Variants in ACYP2 observed in about 807,000 individuals in gnomAD.
The protein encoded by ACYP2 is acylphosphatase 2, also known as acylphosphatase-2.
A neutral mutation model predicts 11.2 loss-of-function variants in ACYP2; 12 were observed. That is an observed-to-expected ratio of 1.08 (90% confidence interval 0.69 to 1.74). The LOEUF (loss-of-function observed/expected upper bound fraction) is 1.74. ACYP2 is among the 40% of genes most tolerant of loss of function. The pLI is 0.00. For synonymous variants in ACYP2, 43 were observed against 32.2 expected, an observed-to-expected ratio of 1.33 and a Z score of -1.13; for missense variants, 134 against 101.9, an observed-to-expected ratio of 1.31 and a Z score of -1.35.
At chr2:53,991,624 C>G (rs970734954) in intron 2 of ACYP2, among the ~76,000 whole-genome samples, 2 of 151,880 alleles carry the variant, frequency 1.3e-5, no homozygotes, top group Admixed American at 1.3e-4. Context: ...AGGTTGGTGT[C>G]GAACTCCCGA....
chr2:54,098,583 A>G (rs1178068340), intron 4 of ACYP2, among the ~76,000 whole-genome samples: 1 of 152,162 alleles, frequency 6.6e-6, no homozygotes, highest in Non-Finnish European at 1.5e-5. Flanking sequence ...GATTAGCTTG[A>G]TATCTCCAAA....
chr2:54,197,692 C>T (rs1470477814), intron 6 of ACYP2, among the ~76,000 whole-genome samples: 4 of 151,970 alleles, frequency 2.6e-5, no homozygotes, highest in Admixed American at 6.6e-5. Flanking sequence ...GTGCAAAGGC[C>T]CCGAGGCAGG....
At chr2:54,049,545 A>C (rs943797813) in intron 2 of ACYP2, among the ~76,000 whole-genome samples, 2 of 152,124 alleles carry the variant, frequency 1.3e-5, no homozygotes, top group Non-Finnish European at 2.9e-5. Context: ...GCTTTAATGT[A>C]GGGTTTCTTT....
At chr2:54,176,390 G>A (rs367818038) in intron 6 of ACYP2, among the ~76,000 whole-genome samples, 1 of 152,200 alleles carries the variant, frequency 6.6e-6, no homozygotes, top group Non-Finnish European at 1.5e-5. Context: ...AGGTGGCAGA[G>A]CAACCAAATA....
chr2:54,129,065 G>A (rs979622383), intron 4 of ACYP2, among the ~76,000 whole-genome samples: 1 of 152,076 alleles, frequency 6.6e-6, no homozygotes, highest in Admixed American at 6.6e-5. Context: ...ACCCATATGT[G>A]TCTCCTTAAA....
intron 2 of ACYP2, among the ~76,000 whole-genome samples, chr2:53,995,572 C>T (rs1672537005): frequency 6.6e-6 from 1 of 150,972 alleles, no homozygotes; most frequent in South Asian, 2.1e-4. Flanking sequence ...GGCATGATCT[C>T]AGCTCACTGC....
At chr2:54,135,902 A>T (rs1681201090) in intron 5 of ACYP2, among the ~76,000 whole-genome samples, 2 of 152,094 alleles carry the variant, frequency 1.3e-5, no homozygotes, top group Admixed American at 1.3e-4. Flanking sequence ...TTTAAAATTT[A>T]TTTATTTAGT....
At chr2:54,226,312 T>G (rs1419444270) in intron 6 of ACYP2, among the ~76,000 whole-genome samples, 1 of 152,224 alleles carries the variant, frequency 6.6e-6, no homozygotes, top group Non-Finnish European at 1.5e-5. Context: ...TCAAAGATAT[T>G]GAGCGTCTGG....
chr2:54,041,825 C>T (rs1675245951), intron 2 of ACYP2, among the ~76,000 whole-genome samples: 1 of 152,020 alleles, frequency 6.6e-6, no homozygotes, highest in Admixed American at 6.6e-5. Context: ...GGGTCTTGCT[C>T]TGTTGCCCAC....
intron 2 of ACYP2, among the ~76,000 whole-genome samples, chr2:54,040,931 T>A (rs921364847): frequency 3.9e-5 from 6 of 152,014 alleles, no homozygotes; most frequent in African/African-American, 1.4e-4. Context: ...GGAGAAATAG[T>A]GTTCATAGAT....
chr2:54,063,533 T>C (rs1407896805), intron 4 of ACYP2, among the ~76,000 whole-genome samples: 1 of 152,114 alleles, frequency 6.6e-6, no homozygotes, highest in Admixed American at 6.6e-5. Context: ...GGAGACTGGG[T>C]GGTGGGAACA....
intron 2 of ACYP2, among the ~76,000 whole-genome samples, chr2:54,047,972 G>T (rs1675614521): frequency 6.6e-6 from 1 of 152,198 alleles, no homozygotes; most frequent in Non-Finnish European, 1.5e-5. Flanking sequence ...GCCAAGGCTG[G>T]TTCCATGGTT....
In ACYP2 at chr2:53,980,088, A is replaced by T. The variant is rs562060266; in HGVS notation, c.62+6278A>T. 8.5e-5 allele frequency among the ~76,000 whole-genome samples: 13 copies of T among 152,256 alleles called. No individual in the cohort carries two copies. The South Asian group carries it at 2.7e-3, about 32-fold the overall frequency. Reference sequence around the variant, plus strand: ...CTGGGCACCATGGCTCACATCTCTAATCCCAGCAGTTTGTGAGGCCAAGGC... The same window carrying T: ...CTGGGCACCATGGCTCACATCTCTATTCCCAGCAGTTTGTGAGGCCAAGGC... On this transcript the variant is annotated intron_variant, in intron 2 of 6. Coordinates refer to ENST00000607452, the MANE Select transcript of ACYP2 (RefSeq NM_001320586.2).
At chr2:54,065,705 A>G (rs1676708981) in intron 4 of ACYP2, 1 of 391,338 alleles carries the variant, frequency 2.6e-6, no homozygotes, top group Non-Finnish European at 4.5e-6. Context: ...TAAAATGTTT[A>G]ACAGGCTGTA....
chr2:54,234,340 C>T (rs1473869978), intron 6 of ACYP2, among the ~76,000 whole-genome samples: 1 of 152,210 alleles, frequency 6.6e-6, no homozygotes, highest in African/African-American at 2.4e-5. Flanking sequence ...CACTAATCCA[C>T]TTTTGCTTTG....
At chr2:54,025,575 C>T (rs889497767) in intron 2 of ACYP2, among the ~76,000 whole-genome samples, 1 of 152,152 alleles carries the variant, frequency 6.6e-6, no homozygotes, top group Non-Finnish European at 1.5e-5. Context: ...AAAAAATCAA[C>T]TCAAGATGGA....
intron 4 of ACYP2, among the ~76,000 whole-genome samples, chr2:54,108,611 G>A (rs1164022500): frequency 6.6e-6 from 1 of 152,172 alleles, no homozygotes; most frequent in African/African-American, 2.4e-5. Flanking sequence ...TTTTGTCTGA[G>A]CTGGTGGCTG....
chr2:54,266,271 T>A (rs10171249), intron 6 of ACYP2, among the ~76,000 whole-genome samples: 1 of 152,004 alleles, frequency 6.6e-6, no homozygotes, highest in Non-Finnish European at 1.5e-5. Context: ...ACCAACACAC[T>A]CAATCATTTA....
chr2:54,004,310 T>C (rs1672945538), intron 2 of ACYP2, among the ~76,000 whole-genome samples: 1 of 151,348 alleles, frequency 6.6e-6, no homozygotes, highest in African/African-American at 2.4e-5. Flanking sequence ...TAATTTGCAA[T>C]TCCCTAATGA....
Sources: gnomAD v4.1 joint callset for allele counts (sites outside exome capture counted in the v4.1 genomes callset) on GRCh38, gnomAD v4.1.1 for gene constraint, MANE v1.5 for transcripts, NCBI Gene and HGNC (gene_info 2026-07-23, HGNC 2026-07-21) for gene names.